Variants in TSGA10 observed in about 807,000 individuals in gnomAD.
The protein encoded by TSGA10 is testis-specific gene 10 protein.
Under a neutral mutation model 96.6 loss-of-function variants are expected in TSGA10, and 43 were observed. The ratio of observed to expected loss-of-function variants is 0.44; its 90% CI spans 0.35 to 0.57. The LOEUF (loss-of-function observed/expected upper bound fraction) is 0.57, where lower values mean the gene tolerates loss of function less well. TSGA10 is among the 20% of genes least tolerant of loss of function. TSGA10 has a pLI of 0.01. For missense variants in TSGA10, 703 were observed against 834.4 expected, an observed-to-expected ratio of 0.84 and a Z score of 1.94; for synonymous variants, 229 against 269.9, an observed-to-expected ratio of 0.85 and a Z score of 1.48.
intron 2 of TSGA10, among the ~76,000 whole-genome samples, chr2:99,124,215 T>G (rs1030634509): frequency 6.6e-6 from 1 of 152,216 alleles, no homozygotes; most frequent in Non-Finnish European, 1.5e-5. Flanking sequence ...TCTTTAATGG[T>G]TGATGATGTT....
intron 16 of TSGA10, among the ~76,000 whole-genome samples, chr2:99,037,062 C>A (rs1275926338): frequency 6.6e-6 from 1 of 152,158 alleles, no homozygotes; most frequent in African/African-American, 2.4e-5. Context: ...GAGAATGCAA[C>A]ACCCATGTAT....
At chr2:99,102,880 ATTTGTC>A in intron 10 of TSGA10, 1 of 703,924 alleles carries the variant, frequency 1.4e-6, no homozygotes, top group African/African-American at 1.8e-5. Context: ...GTCCTTTTAT[ATTTGTC>A]TTTGTATTTT....
chr2:99,103,106 TAAG>T (rs1342847980), intron 10 of TSGA10, among the ~76,000 whole-genome samples: 24 of 150,178 alleles, frequency 1.6e-4, no homozygotes, highest in Admixed American at 1.5e-3. Flanking sequence ...AAAAAATTGT[TAAG>T]AAAGACCAGG....
At chr2:99,017,927 T>C (rs1309292659) in intron 20 of TSGA10, among the ~76,000 whole-genome samples, 1 of 151,886 alleles carries the variant, frequency 6.6e-6, no homozygotes, top group African/African-American at 2.4e-5. Flanking sequence ...CTTATCGGTG[T>C]AACAAAAAAC....
chr2:99,115,518 G>T (rs1375774216), intron 4 of TSGA10, among the ~76,000 whole-genome samples: 5 of 151,844 alleles, frequency 3.3e-5, no homozygotes, highest in African/African-American at 9.7e-5. Flanking sequence ...GCAGTTCTAA[G>T]GACCTGTTCC....
chr2:99,081,467 T>A, intron 10 of TSGA10, 70 bp from the exon 11 acceptor site: 1 of 679,050 alleles, frequency 1.5e-6, no homozygotes, highest in African/African-American at 1.8e-5. Context: ...TGTTTAAATC[T>A]AAAAACTTTT....
chr2:99,023,750 T>A (rs192104285), intron 17 of TSGA10, among the ~76,000 whole-genome samples: 29 of 152,370 alleles, frequency 1.9e-4, no homozygotes, highest in African/African-American at 7.0e-4. Context: ...TCCATCAACC[T>A]CTATGTCTTT....
rs750503599 is a variant in TSGA10, at chr2:99,067,077, C to A, written c.1218+1811G>T. Among the ~76,000 whole-genome samples, 9 of 152,226 alleles carry A rather than the reference C, an allele frequency of 5.9e-5. No individual in the cohort carries two copies. In the South Asian group the frequency reaches 6.2e-4, roughly 11 times the overall value. ...TAGGGTTCAAAGAAGGTCTTTCTTA[C>A]CTCTCCTTTATCATCCACTTGTACA... On this transcript the variant is annotated intron_variant, in intron 15 of 20. Transcript: ENST00000393483.
intron 20 of TSGA10, 26 bp downstream of exon 20, chr2:99,018,174 G>C: frequency 6.2e-7 from 1 of 1,613,026 alleles, no homozygotes; most frequent in Non-Finnish European, 8.5e-7. Flanking sequence ...TTGATCTCAA[G>C]AGAATGGATC....
intron 20 of TSGA10, among the ~76,000 whole-genome samples, chr2:99,016,461 G>A (rs558142188): frequency 2.0e-5 from 3 of 152,208 alleles, no homozygotes; most frequent in African/African-American, 7.2e-5. Flanking sequence ...GAATGAAACT[G>A]GATCCTCATC....
At chr2:99,075,325 T>G (rs2086575555) in intron 12 of TSGA10, among the ~76,000 whole-genome samples, 1 of 152,154 alleles carries the variant, frequency 6.6e-6, no homozygotes, top group African/African-American at 2.4e-5. Flanking sequence ...CTGTCAAAAT[T>G]CAGTCTGGAC....
At chr2:99,068,417 T>C (rs1291339084) in intron 15 of TSGA10, among the ~76,000 whole-genome samples, 2 of 152,068 alleles carry the variant, frequency 1.3e-5, no homozygotes, top group African/African-American at 4.8e-5. Context: ...CTTATTGGAG[T>C]CATCTGATGT....
At chr2:99,109,291 A>G (rs2091618691) in intron 6 of TSGA10, 98 bp downstream of exon 6, 2 of 1,361,402 alleles carry the variant, frequency 1.5e-6, no homozygotes, top group African/African-American at 1.4e-5. Flanking sequence ...AATTCACAGC[A>G]AATCAAAACA....
intron 16 of TSGA10, among the ~76,000 whole-genome samples, chr2:99,063,762 C>A (rs780465972): frequency 1.5e-5 from 2 of 129,322 alleles, no homozygotes; most frequent in African/African-American, 3.6e-5. Context: ...GCCAAGATCA[C>A]GCCACTGCAC....
At chr2:99,054,751 C>T (rs914659136) in intron 16 of TSGA10, among the ~76,000 whole-genome samples, 2 of 152,072 alleles carry the variant, frequency 1.3e-5, no homozygotes, top group Non-Finnish European at 2.9e-5. Context: ...AAAAAACACT[C>T]GACATTGGTA....
intron 1 of TSGA10, among the ~76,000 whole-genome samples, chr2:99,153,258 G>A (rs1043458963): frequency 9.8e-5 from 15 of 152,350 alleles, no homozygotes; most frequent in African/African-American, 3.6e-4. Context: ...ACTTTTGCTG[G>A]AATAATGGGG....
At chr2:99,097,337 G>A (rs2090167832) in intron 10 of TSGA10, among the ~76,000 whole-genome samples, 1 of 151,958 alleles carries the variant, frequency 6.6e-6, no homozygotes, top group African/African-American at 2.4e-5. Context: ...GGCAACAAAA[G>A]GAATGAAGGG....
At chr2:99,024,817 A>G (rs1034732902) in intron 17 of TSGA10, among the ~76,000 whole-genome samples, 3 of 152,082 alleles carry the variant, frequency 2.0e-5, no homozygotes, top group African/African-American at 7.2e-5. Context: ...GAAAGTTTCT[A>G]TTTCTAGTTT....
At chr2:99,124,942 G>A (rs1414054003) in intron 2 of TSGA10, 3 of 152,056 alleles carry the variant, frequency 2.0e-5, no homozygotes, top group Non-Finnish European at 4.4e-5. Context: ...CACTCTTGGC[G>A]TTATTCATTC....
Sources: allele counts gnomAD v4.1 joint callset (sites outside exome capture counted in the v4.1 genomes callset), GRCh38; gene constraint gnomAD v4.1.1; transcripts MANE v1.5; gene names NCBI Gene and HGNC (gene_info 2026-07-23, HGNC 2026-07-21).